The following MAP7 variants were observed in gnomAD, a reference collection of about 807,000 sequenced individuals.
The protein encoded by MAP7 is microtubule associated protein 7.
MAP7 carries 52 observed loss-of-function variants against 94.8 expected under a neutral mutation model. That is an observed-to-expected ratio of 0.55 (90% CI 0.44 to 0.69). MAP7 has a LOEUF of 0.69. MAP7 is among the 30% of genes least tolerant of loss of function. The pLI, the probability that MAP7 is intolerant of heterozygous loss-of-function variation, is 0.00. For synonymous variants in MAP7, 350 were observed against 357.0 expected (o/e 0.98, Z 0.22); for missense variants, 940 against 964.6 (o/e 0.97, Z 0.34).
At chr6:136,466,344 A>G (rs1807041148) in intron 1 of MAP7, among the ~76,000 whole-genome samples, 1 of 152,208 alleles carries the variant, frequency 6.6e-6, no homozygotes, top group African/African-American at 2.4e-5. Context: ...AGAAATTATC[A>G]GTAAATTATA....
At chr6:136,478,185 A>G (rs537160242) in intron 1 of MAP7, among the ~76,000 whole-genome samples, 2 of 152,242 alleles carry the variant, frequency 1.3e-5, no homozygotes, top group Non-Finnish European at 2.9e-5. Flanking sequence ...ACATCAAAAA[A>G]GCTGAAAAAC....
intron 16 of MAP7, among the ~76,000 whole-genome samples, chr6:136,355,041 T>C (rs898758277): frequency 1.3e-5 from 2 of 152,092 alleles, no homozygotes; most frequent in East Asian, 1.9e-4. Context: ...CTGGTTAATA[T>C]GATGAAACCC....
intron 10 of MAP7, chr6:136,364,032 C>T (rs1387599836): frequency 8.3e-6 from 2 of 239,660 alleles, no homozygotes; most frequent in Admixed American, 1.1e-4. Flanking sequence ...GCACTCGGTC[C>T]CTCTGAGGAA....
chr6:136,417,165 C>T (rs1789761138), intron 2 of MAP7, among the ~76,000 whole-genome samples: 1 of 152,084 alleles, frequency 6.6e-6, no homozygotes, highest in Admixed American at 6.5e-5. Flanking sequence ...CCCAATGGAT[C>T]TAATATGGTT....
chr6:136,536,688 T>A (rs541663221), intron 1 of MAP7, among the ~76,000 whole-genome samples: 1 of 152,350 alleles, frequency 6.6e-6, no homozygotes, highest in East Asian at 1.9e-4. Flanking sequence ...GCAGCAGCCA[T>A]GTCCCTTTAC....
intron 1 of MAP7, among the ~76,000 whole-genome samples, chr6:136,512,237 T>C (rs1260801198): frequency 1.3e-5 from 2 of 152,240 alleles, no homozygotes; most frequent in Non-Finnish European, 2.9e-5. Context: ...CAATCAGTTA[T>C]CTTATGAGGA....
intron 1 of MAP7, chr6:136,525,960 G>C: frequency 6.7e-7 from 1 of 1,498,048 alleles, no homozygotes; most frequent in Non-Finnish European, 8.8e-7. Flanking sequence ...AGCTGATCCA[G>C]GCATACCGCT....
intron 2 of MAP7, among the ~76,000 whole-genome samples, chr6:136,412,783 G>C (rs955842028): frequency 2.6e-5 from 4 of 152,184 alleles, no homozygotes; most frequent in Admixed American, 6.5e-5. Context: ...GGCTCACTCT[G>C]CTGCCGAATT....
chr6:136,502,339 C>T (rs1820047656), intron 1 of MAP7, among the ~76,000 whole-genome samples: 1 of 152,208 alleles, frequency 6.6e-6, no homozygotes, highest in African/African-American at 2.4e-5. Context: ...AGAATTATTC[C>T]CTGGCCAGAT....
intron 2 of MAP7, chr6:136,420,170 T>A: frequency 2.1e-6 from 2 of 955,286 alleles, no homozygotes; most frequent in South Asian, 1.3e-5. Flanking sequence ...TTCATTGTTA[T>A]CTGCAGTGGG....
At chr6:136,471,558 T>G (rs559154192) in intron 1 of MAP7, among the ~76,000 whole-genome samples, 2 of 142,908 alleles carry the variant, frequency 1.4e-5, no homozygotes, top group East Asian at 5.2e-4. Context: ...TTGCTGGGGG[T>G]TTTTTTAGCC....
At chr6:136,418,927 C>A (rs1040656735) in intron 2 of MAP7, among the ~76,000 whole-genome samples, 6 of 151,890 alleles carry the variant, frequency 4.0e-5, no homozygotes, top group Non-Finnish European at 1.5e-5. Flanking sequence ...AAATCAAGAG[C>A]CTTTTATATA....
chr6:136,429,449 C>T (rs1794244835), intron 1 of MAP7, among the ~76,000 whole-genome samples: 1 of 152,328 alleles, frequency 6.6e-6, no homozygotes, highest in Admixed American at 6.5e-5. Context: ...ACAGCCTCTG[C>T]TGGTAACATC....
chr6:136,399,265 T>A (rs1468880113), intron 3 of MAP7, among the ~76,000 whole-genome samples: 5 of 152,210 alleles, frequency 3.3e-5, no homozygotes, highest in African/African-American at 1.2e-4. Context: ...ATCTCCAAGA[T>A]CTCTTCCAAC....
At chr6:136,379,845 A>G (rs1429699395) in intron 6 of MAP7, among the ~76,000 whole-genome samples, 1 of 152,232 alleles carries the variant, frequency 6.6e-6, no homozygotes, top group East Asian at 1.9e-4. Context: ...GATCTGTTTC[A>G]TATCTCCTGA....
Position 136,346,091 on chromosome 6 carries a change from G to A in MAP7, c.2016-12C>T, listed in dbSNP as rs2128511157. 4 of 1,541,134 alleles carry A rather than the reference G, an allele frequency of 2.6e-6. No individual in the cohort carries two copies. The highest frequency in any genetic ancestry group is 2.7e-6 in the Non-Finnish European group (3 of 1,124,352). ...CCAAATCGGGAGTGCTAAGGAATTT[G>A]AAAAATAAAAATAGAAATAAGTTAG... is the stretch of plus-strand genomic sequence containing the variant. On this transcript the variant is annotated splice_polypyrimidine_tract_variant and intron_variant, in intron 16 of 17. Coordinates refer to ENST00000354570, the MANE Select transcript of MAP7 (RefSeq NM_003980.6).
Position 136,550,381 on chromosome 6 carries a change from C to A in MAP7, c.28G>T (p.Gly10Cys), listed in dbSNP as rs767620454. The A allele has an allele frequency of 4.6e-6, 7 of 1,529,672 alleles. No individual in the cohort carries two copies. Among genetic ancestry groups the A allele is most frequent in the East Asian group, 2.7e-5 (1 of 36,896 alleles). 94.8% of individuals were successfully genotyped at this position (1,529,672 alleles called of 1,614,324 possible). A position where few individuals can be genotyped will look rare whatever the true frequency, so the allele number is the denominator to read the frequency against. MAELGAGGD[G>C]HRGGDGAVRS... Reference sequence around the variant, plus strand: ...ACTGCGCCGTCGCCGCCCCTGTGGCCGTCGCCGCCAGCTCCTAGCTCCGCC... The same window carrying A: ...ACTGCGCCGTCGCCGCCCCTGTGGCAGTCGCCGCCAGCTCCTAGCTCCGCC... The change falls in exon 1 of 18, where the codon GGC (glycine) becomes TGC (cysteine). Residue 10 changes from glycine to cysteine, a missense_variant. Transcript: ENST00000354570. The surrounding 1 kb of genome is among the most constrained non-coding windows in gnomAD (Gnocchi z 5.1).
At chr6:136,483,917 T>C (rs1350615661) in intron 1 of MAP7, among the ~76,000 whole-genome samples, 1 of 152,192 alleles carries the variant, frequency 6.6e-6, no homozygotes, top group East Asian at 1.9e-4. Flanking sequence ...AATTGTCAGA[T>C]GCCTAATTTA....
intron 1 of MAP7, among the ~76,000 whole-genome samples, chr6:136,450,665 T>C (rs895406542): frequency 6.6e-6 from 1 of 151,818 alleles, no homozygotes; most frequent in African/African-American, 2.4e-5. Context: ...ACGCCTGTAA[T>C]CCCAGCTACT....
Sources: allele counts gnomAD v4.1 joint callset (sites outside exome capture counted in the v4.1 genomes callset), GRCh38; gene constraint gnomAD v4.1.1; non-coding constraint Gnocchi (gnomAD v3.1); transcripts MANE v1.5; gene names NCBI Gene and HGNC (gene_info 2026-07-23, HGNC 2026-07-21).